Variants in HELZ observed in about 807,000 individuals in gnomAD.
The protein encoded by HELZ is ATP-dependent RNA helicase with zinc finger domain.
Under a neutral mutation model 218.2 loss-of-function variants are expected in HELZ, and 23 were observed. The observed-to-expected ratio is 0.11, with a 90% CI of 0.08 to 0.15. The LOEUF (loss-of-function observed/expected upper bound fraction) is 0.15, where lower values mean the gene tolerates loss of function less well. Ranked by LOEUF, HELZ falls within the 10% of genes least tolerant of loss-of-function variation. The pLI is 1.00. For synonymous variants in HELZ, 814 were observed against 829.4 expected (o/e 0.98, Z 0.32); for missense variants, 1,813 against 2,353.7 (o/e 0.77, Z 4.75).
At chr17:67,124,681 T>A (rs571059922) in intron 24 of HELZ, among the ~76,000 whole-genome samples, 1 of 152,094 alleles carries the variant, frequency 6.6e-6, no homozygotes, top group Non-Finnish European at 1.5e-5. Context: ...AATGAAGTAA[T>A]CATGCATTTG....
Position 67,073,497 on chromosome 17 carries a change from GTC to G in HELZ, c.*4753_*4754del, listed in dbSNP as rs1369237424. ...CTCTGATAACTGAAACTATATGAAT[GTC>G]TCTGGGTTTTCTTAACACTCCAGTT... On this transcript the variant is annotated 3_prime_UTR_variant, in exon 33 of 33. Coordinates refer to ENST00000358691, the MANE Select transcript of HELZ (RefSeq NM_014877.4). 6.6e-6 allele frequency: 1 copy of G among 152,490 alleles called. No individual in the cohort carries two copies. Among genetic ancestry groups the G allele is most frequent in the South Asian group, 2.1e-4 (1 of 4,824 alleles). The allele number at this position is 152,490 out of a possible 1,614,324, so 9.4% of individuals were successfully genotyped here. A position where few individuals can be genotyped will look rare whatever the true frequency, so the allele number is the denominator to read the frequency against.
chr17:67,086,784 G>C, intron 32 of HELZ, 45 bp downstream of exon 32: 1 of 1,597,768 alleles, frequency 6.3e-7, no homozygotes, highest in Non-Finnish European at 8.6e-7. Flanking sequence ...AGATATCCGG[G>C]AGCTGAGGAG....
intron 7 of HELZ, 94 bp from the exon 8 acceptor site, chr17:67,195,564 T>G: frequency 1.4e-6 from 1 of 726,266 alleles, no homozygotes; most frequent in South Asian, 1.7e-5. Flanking sequence ...AAAGGTGAAG[T>G]TGGAATACTC....
Position 67,158,801 on chromosome 17 carries a change from CAT to C in HELZ, c.2177+1458_2177+1459del, listed in dbSNP as rs370658409. ...TTATTCTGCATATCTAGATGCACCA[CAT>C]GTTTGATTATAACCTCCAAAAAATA... is the stretch of plus-strand genomic sequence containing the variant. On this transcript the variant is annotated intron_variant, in intron 17 of 32. Coordinates refer to ENST00000358691, the MANE Select transcript of HELZ (RefSeq NM_014877.4). Among the ~76,000 whole-genome samples, 325 of 152,262 alleles carry C rather than the reference CAT, an allele frequency of 2.1e-3. 3 individuals are homozygous for C. Among genetic ancestry groups the C allele is most frequent in the African/African-American group, 7.4e-3 (306 of 41,538 alleles).
In HELZ at chr17:67,215,810, T is replaced by C. The variant is rs1426183490; in HGVS notation, c.247+89A>G. On this transcript the variant is annotated intron_variant, in intron 5 of 32. Transcript: ENST00000358691. ...CACAGTAAGGTGGGCTTTTCAAACA[T>C]TATCATCATTTTTGAAATTAGCCAA... 8.0e-6 allele frequency: 7 copies of C among 880,078 alleles called. No individual in the cohort carries two copies. In the East Asian group the frequency reaches 1.3e-4, roughly 16 times the overall value. The allele number at this position is 880,078 out of a possible 1,614,324, so 54.5% of individuals were successfully genotyped here.
At chr17:67,098,258 C>A (rs1393108761) in intron 31 of HELZ, among the ~76,000 whole-genome samples, 1 of 152,180 alleles carries the variant, frequency 6.6e-6, no homozygotes, top group East Asian at 1.9e-4. Flanking sequence ...GGAGTCTCCA[C>A]TCCCTTGAGT....
At chr17:67,120,003 T>TC (rs1481910114) in intron 27 of HELZ, 1 of 345,748 alleles carries the variant, frequency 2.9e-6, no homozygotes, top group Admixed American at 4.1e-5. Flanking sequence ...CTTTTTTTTT[T>TC]TTTTTTTTTT....
At position 67,167,483 on chromosome 17, in the gene HELZ, G is replaced by A. The variant is rs200790914; in HGVS notation, c.1744C>T (p.Arg582Trp). 1.2e-4 allele frequency: 194 copies of A among 1,612,714 alleles called. No homozygotes were observed. The highest frequency in any genetic ancestry group is 1.4e-4 in the Non-Finnish European group (170 of 1,179,116). The change falls in exon 14 of 33, where the codon CGG becomes TGG. Residue 582 changes from arginine to tryptophan, a missense_variant. By Grantham distance (101) the Arg-to-Trp change is moderately radical. This residue lies in a region of HELZ where 714 missense variants were observed against 1,029.2 expected (regional missense o/e 0.69). Transcript: ENST00000358691. ...SRECCEELNLRPDCDTQVELQ... is the reference protein window; with the variant it reads ...SRECCEELNLWPDCDTQVELQ... ...CATACCTGTGTGTCACAGTCAGGCC[G>A]AAGATTAAGTTCTTCACAGCATTCC...
In HELZ at chr17:67,071,436, T is replaced by G. The variant is rs1285396627; in HGVS notation, c.*6816A>C. ...CATAAAGGAACCCAGGCTGAAAATA[T>G]AAACAATCCTCTCCAAAGGTGAGCA... is the stretch of plus-strand genomic sequence containing the variant. On this transcript the variant is annotated 3_prime_UTR_variant, in exon 33 of 33. Coordinates refer to ENST00000358691, the MANE Select transcript of HELZ (RefSeq NM_014877.4). The G allele has an allele frequency of 6.6e-6, 1 of 152,176 alleles. No individual in the cohort carries two copies. Among genetic ancestry groups the G allele is most frequent in the Non-Finnish European group, 1.5e-5 (1 of 68,016 alleles). 9.4% of individuals were successfully genotyped at this position (152,176 alleles called of 1,614,324 possible).
Position 67,181,945 on chromosome 17 carries a change from C to T in HELZ, c.1163-3019G>A, listed in dbSNP as rs539343091. ...TTAATGACCCACCTAACTTACAGTGCTTAAAGGTCACCTCATAAATAGCAG... is the reference window on the plus strand; with the variant it reads ...TTAATGACCCACCTAACTTACAGTGTTTAAAGGTCACCTCATAAATAGCAG... On this transcript the variant is annotated intron_variant, in intron 12 of 32. Coordinates refer to ENST00000358691, the MANE Select transcript of HELZ (RefSeq NM_014877.4). Among the ~76,000 whole-genome samples, 12 of 152,270 alleles carry T rather than the reference C, an allele frequency of 7.9e-5. No homozygotes were observed. The East Asian group carries it at 1.5e-3, about 20-fold the overall frequency.
At chr17:67,159,115 C>T (rs1185407161) in intron 17 of HELZ, among the ~76,000 whole-genome samples, 1 of 152,188 alleles carries the variant, frequency 6.6e-6, no homozygotes, top group Non-Finnish European at 1.5e-5. Flanking sequence ...TCAACTTTCA[C>T]TTACAAGCTC....
chr17:67,153,881 G>A (rs1351346337), intron 17 of HELZ, among the ~76,000 whole-genome samples: 1 of 152,190 alleles, frequency 6.6e-6, no homozygotes, highest in Non-Finnish European at 1.5e-5. Flanking sequence ...GTCATCATAT[G>A]GAACAAAAGG....
chr17:67,185,947 G>A lies in HELZ; in HGVS notation c.1162+2372C>T, dbSNP rs1021374540. 3.3e-5 allele frequency among the ~76,000 whole-genome samples: 5 copies of A among 152,238 alleles called. No homozygotes were observed. The South Asian group carries it at 8.3e-4, about 25-fold the overall frequency. On this transcript the variant is annotated intron_variant, in intron 12 of 32. Coordinates refer to ENST00000358691, the MANE Select transcript of HELZ (RefSeq NM_014877.4). ...TAAAACTTAATTTTCAAACTAATAT[G>A]TTAGAAATATCAGAAAGGAGATTCT... is the stretch of plus-strand genomic sequence containing the variant.
chr17:67,131,450 C>T (rs530188857), intron 23 of HELZ, among the ~76,000 whole-genome samples: 2 of 152,190 alleles, frequency 1.3e-5, no homozygotes, highest in East Asian at 1.9e-4. Flanking sequence ...AAATAGCCTT[C>T]GAGTTAACGT....
intron 17 of HELZ, among the ~76,000 whole-genome samples, chr17:67,154,699 T>C (rs991558242): frequency 6.6e-6 from 1 of 152,216 alleles, no homozygotes; most frequent in African/African-American, 2.4e-5. Flanking sequence ...ATTGAGTTCA[T>C]TTTTCCATTT....
At chr17:67,086,631 A>AATAAATATATATAT (rs1555594209) in intron 32 of HELZ, among the ~76,000 whole-genome samples, 198 bp downstream of exon 32, 1 of 93,318 alleles carries the variant, frequency 1.1e-5, no homozygotes, top group South Asian at 3.0e-4. Flanking sequence ...TATAAATATA[A>AATAAATATATATAT]ATATATATAT....
At chr17:67,136,634 ACAC>A (rs776668715) in intron 22 of HELZ, among the ~76,000 whole-genome samples, 42 of 152,374 alleles carry the variant, frequency 2.8e-4, no homozygotes, top group Admixed American at 1.5e-3. Flanking sequence ...TGAAATTCTG[ACAC>A]ATCTTACAAC....
At position 67,244,530 on chromosome 17, in the gene HELZ, C is replaced by G. The variant is rs898092679; in HGVS notation, c.-132+618G>C. 8 of 865,580 alleles carry G rather than the reference C, an allele frequency of 9.2e-6. No individual in the cohort carries two copies. The Admixed American group carries it at 5.0e-4, about 54-fold the overall frequency. 53.6% of individuals were successfully genotyped at this position (865,580 alleles called of 1,614,324 possible). A position where few individuals can be genotyped will look rare whatever the true frequency, so the allele number is the denominator to read the frequency against. On this transcript the variant is annotated intron_variant, in intron 1 of 32. Coordinates refer to ENST00000358691, the MANE Select transcript of HELZ (RefSeq NM_014877.4). ...GAATCTCCAGGAAAAGAGAGCCTAT[C>G]TTTATTTTTGTTGATGTGCTTGTGG...
At chr17:67,222,460 T>A (rs2040772485) in intron 3 of HELZ, among the ~76,000 whole-genome samples, 1 of 152,150 alleles carries the variant, frequency 6.6e-6, no homozygotes, top group Admixed American at 6.6e-5. Flanking sequence ...AGCGCAGAAC[T>A]ATGAATTTCA....
Sources: gnomAD v4.1 joint callset for allele counts (sites outside exome capture counted in the v4.1 genomes callset) on GRCh38, gnomAD v4.1.1 for gene constraint, gnomAD v4.1.1 regional missense constraint, MANE v1.5 for transcripts, NCBI Gene and HGNC (gene_info 2026-07-23, HGNC 2026-07-21) for gene names.